Variants in TPX2 observed in about 807,000 individuals in gnomAD.
TPX2 encodes the protein targeting protein for Xklp2.
Under a neutral mutation model 93.6 loss-of-function variants are expected in TPX2, and 21 were observed. The ratio of observed to expected loss-of-function variants is 0.22; its 90% confidence interval spans 0.16 to 0.32. The LOEUF (loss-of-function observed/expected upper bound fraction) is 0.32. TPX2 is among the 10% of genes least tolerant of loss of function. The pLI is 1.00. For synonymous variants in TPX2, 281 were observed against 298.3 expected, an observed-to-expected ratio of 0.94 and a Z score of 0.60; for missense variants, 776 against 871.1, an observed-to-expected ratio of 0.89 and a Z score of 1.37.
At chr20:31,770,001 A>G (rs1009069665) in intron 5 of TPX2, among the ~76,000 whole-genome samples, 10 of 151,968 alleles carry the variant, frequency 6.6e-5, no homozygotes, top group African/African-American at 1.5e-4. Context: ...GGGTCTTGAT[A>G]TGTTGCCCAT....
intron 7 of TPX2, among the ~76,000 whole-genome samples, chr20:31,775,386 A>AT (rs1568591521): frequency 2.1e-5 from 3 of 143,416 alleles, no homozygotes; most frequent in South Asian, 2.3e-4. Context: ...TTATTTATTT[A>AT]TTTTTTTTGA....
intron 2 of TPX2, among the ~76,000 whole-genome samples, chr20:31,755,033 C>T (rs2061842923): frequency 6.6e-6 from 1 of 152,204 alleles, no homozygotes. Context: ...ACTGCAACCT[C>T]CGCTGCCTGC....
intron 2 of TPX2, among the ~76,000 whole-genome samples, chr20:31,757,187 C>T (rs1013716712): frequency 5.3e-5 from 8 of 152,110 alleles, no homozygotes; most frequent in African/African-American, 9.7e-5. Context: ...GGATTACAGA[C>T]GTGAGCCACT....
At chr20:31,781,060 TATATAGGTGC>T in intron 10 of TPX2, 1 of 249,412 alleles carries the variant, frequency 4.0e-6, no homozygotes, top group Non-Finnish European at 8.0e-6. Context: ...ATTGGGACTA[TATATAGGTGC>T]ATGCCACCAT....
intron 2 of TPX2, 25 bp from the exon 3 acceptor site, chr20:31,757,382 T>C (rs949758036): frequency 2.0e-6 from 2 of 999,244 alleles, no homozygotes; most frequent in African/African-American, 3.3e-5. Context: ...TACTTAGATT[T>C]ATGTGCAACC....
intron 9 of TPX2, among the ~76,000 whole-genome samples, chr20:31,778,562 G>A (rs1350061676): frequency 6.6e-6 from 1 of 152,222 alleles, no homozygotes; most frequent in African/African-American, 2.4e-5. Context: ...GACATGGTTG[G>A]GGGGAAATTA....
intron 15 of TPX2, among the ~76,000 whole-genome samples, chr20:31,795,351 C>T (rs190298592): frequency 5.4e-4 from 82 of 152,346 alleles, no homozygotes; most frequent in African/African-American, 1.9e-3. Context: ...CCAGGCTGGT[C>T]TCAAACTCCT....
Position 31,784,012 on chromosome 20 carries a change from G to A in TPX2, c.1413+91G>A. 6 of 1,374,758 alleles carry A rather than the reference G, an allele frequency of 4.4e-6. No homozygotes were observed. In the South Asian group the frequency reaches 6.2e-5, roughly 14 times the overall value. The allele number at this position is 1,374,758 out of a possible 1,614,324, so 85.2% of individuals were successfully genotyped here. A position where few individuals can be genotyped will look rare whatever the true frequency, so the allele number is the denominator to read the frequency against. ...ACAAAAGTTTGGGTAGATATTATGA[G>A]CAGGGCATCATATTAGGAACTGCAG... is the stretch of plus-strand genomic sequence containing the variant. On this transcript the variant is annotated intron_variant, in intron 12 of 17. Transcript: ENST00000300403.
At chr20:31,766,795 CTTTTTTTT>C in intron 5 of TPX2, 113 bp downstream of exon 5, 9 of 450,548 alleles carry the variant, frequency 2.0e-5, no homozygotes, top group African/African-American at 3.4e-5. Context: ...CTTTATGTTA[CTTTTTTTT>C]TTTTTTTTTT....
At chr20:31,748,906 C>G (rs1198053513) in intron 2 of TPX2, among the ~76,000 whole-genome samples, 3 of 151,562 alleles carry the variant, frequency 2.0e-5, no homozygotes, top group African/African-American at 7.3e-5. Flanking sequence ...GTTATTATCT[C>G]TTGCTCCATG....
At chr20:31,782,702 A>G (rs2062040300) in intron 11 of TPX2, among the ~76,000 whole-genome samples, 1 of 152,066 alleles carries the variant, frequency 6.6e-6, no homozygotes, top group African/African-American at 2.4e-5. Context: ...AGCCTGGGCA[A>G]CATGGTGAAA....
intron 3 of TPX2, among the ~76,000 whole-genome samples, chr20:31,759,413 T>C (rs1198063543): frequency 2.7e-5 from 4 of 147,682 alleles, no homozygotes; most frequent in Admixed American, 1.3e-4. Flanking sequence ...TTTTTTTTTT[T>C]TTTTTGAGAT....
chr20:31,767,154 A>T (rs1017231644), intron 5 of TPX2, among the ~76,000 whole-genome samples: 2 of 152,050 alleles, frequency 1.3e-5, no homozygotes, highest in African/African-American at 2.4e-5. Flanking sequence ...GGTATAAATT[A>T]AAAAAAATCT....
intron 10 of TPX2, among the ~76,000 whole-genome samples, chr20:31,780,701 C>G (rs2062027772): frequency 6.6e-6 from 1 of 152,036 alleles, no homozygotes; most frequent in African/African-American, 2.4e-5. Context: ...AAGATTCATT[C>G]TATATTAGTT....
chr20:31,784,844 G>A (rs893674017), intron 12 of TPX2, among the ~76,000 whole-genome samples: 1 of 152,132 alleles, frequency 6.6e-6, no homozygotes, highest in African/African-American at 2.4e-5. Flanking sequence ...ATGCGAAAGC[G>A]GCTTTTAGTT....
At chr20:31,745,328 CTTTTTTTT>C in intron 2 of TPX2, among the ~76,000 whole-genome samples, 1 of 123,244 alleles carries the variant, frequency 8.1e-6, no homozygotes, top group South Asian at 2.5e-4. Context: ...TAGGTAAACA[CTTTTTTTT>C]TTTTTTTTTT....
In TPX2 at chr20:31,742,551, C is replaced by T. The variant is rs1434008711; in HGVS notation, c.-167C>T. 1 of 152,182 alleles carries T rather than the reference C, an allele frequency of 6.6e-6. No homozygotes were observed. Among genetic ancestry groups the T allele is most frequent in the Non-Finnish European group, 1.5e-5 (1 of 68,030 alleles). 9.4% of individuals were successfully genotyped at this position (152,182 alleles called of 1,614,324 possible). A position where few individuals can be genotyped will look rare whatever the true frequency, so the allele number is the denominator to read the frequency against. ...TTCTGCTTCTTCCAGGTTCTTGATACATATTTGCCAGACTTCAAGATTTCA... is the reference window on the plus strand; with the variant it reads ...TTCTGCTTCTTCCAGGTTCTTGATATATATTTGCCAGACTTCAAGATTTCA... On this transcript the variant is annotated 5_prime_UTR_variant, in exon 2 of 18. Transcript: ENST00000300403.
Position 31,786,660 on chromosome 20 carries a change from T to C in TPX2, c.1413+2739T>C, listed in dbSNP as rs145365388. Among the ~76,000 whole-genome samples the C allele has an allele frequency of 7.5e-3, 1,135 of 152,276 alleles. 7 individuals are homozygous for C. The highest frequency in any genetic ancestry group is 0.054 in the Middle Eastern group (16 of 294). On this transcript the variant is annotated intron_variant, in intron 12 of 17. Transcript: ENST00000300403. ...CTCAAGCAATCCACCTGCCTTGGCC[T>C]CCCAAAGTGCTAGGATAGTAGGCGT...
intron 4 of TPX2, among the ~76,000 whole-genome samples, chr20:31,763,758 G>A (rs2061906252): frequency 7.2e-6 from 1 of 138,998 alleles, no homozygotes; most frequent in Non-Finnish European, 1.5e-5. Flanking sequence ...GATACCTCAT[G>A]CCTGTAATCC....
Sources: allele counts gnomAD v4.1 joint callset (sites outside exome capture counted in the v4.1 genomes callset), GRCh38; gene constraint gnomAD v4.1.1; transcripts MANE v1.5; gene names NCBI Gene and HGNC (gene_info 2026-07-23, HGNC 2026-07-21).